Variants in NIM1K observed in about 807,000 individuals in gnomAD.
The protein encoded by NIM1K is NIM1 serine/threonine protein kinase, also known as serine/threonine-protein kinase NIM1.
In NIM1K, 35 loss-of-function variants were observed where a neutral mutation model predicts 37.1. The observed-to-expected ratio is 0.94, with a 90% CI of 0.72 to 1.25. The LOEUF (loss-of-function observed/expected upper bound fraction) is 1.25. NIM1K is among the 50% of genes most tolerant of loss of function. The pLI is 0.00. For synonymous variants in NIM1K, 234 were observed against 206.6 expected, an observed-to-expected ratio of 1.13 and a Z score of -1.14; for missense variants, 564 against 548.0, an observed-to-expected ratio of 1.03 and a Z score of -0.29.
chr5:43,194,895 T>C (rs1751889971), intron 1 of NIM1K: 1 of 152,202 alleles, frequency 6.6e-6, no homozygotes, highest in Non-Finnish European at 1.5e-5. Flanking sequence ...AGACTTATCA[T>C]ACATTTTTAA....
At chr5:43,199,207 ATATAT>A (rs1561070517) in intron 1 of NIM1K, among the ~76,000 whole-genome samples, 1,498 of 67,310 alleles carry the variant, frequency 0.022, 43 homozygotes, top group Non-Finnish European at 0.027. Flanking sequence ...AAAAAAAAAT[ATATAT>A]ATATATATAT....
intron 1 of NIM1K, among the ~76,000 whole-genome samples, chr5:43,238,612 AAG>A (rs1318290552): frequency 1.3e-5 from 2 of 151,726 alleles, no homozygotes; most frequent in African/African-American, 4.9e-5. Context: ...CATTCATTCT[AAG>A]CAGAATGCAC....
chr5:43,230,461 C>T (rs767802198), intron 1 of NIM1K, among the ~76,000 whole-genome samples: 10 of 152,138 alleles, frequency 6.6e-5, no homozygotes, highest in African/African-American at 1.9e-4. Context: ...AACTCAGATA[C>T]ATGGCCAAAC....
intron 3 of NIM1K, among the ~76,000 whole-genome samples, chr5:43,277,807 TGTGTGTGTGA>T (rs1300937874): frequency 3.3e-5 from 5 of 149,306 alleles, no homozygotes; most frequent in African/African-American, 1.3e-4. Flanking sequence ...TGTGTGTGTG[TGTGTGTGTGA>T]GAGAGAGAGA....
intron 1 of NIM1K, among the ~76,000 whole-genome samples, chr5:43,198,151 CTTTCTTTCTT>C (rs1460657420): frequency 2.1e-5 from 1 of 47,610 alleles, no homozygotes; most frequent in East Asian, 6.5e-4. Flanking sequence ...TTCTTTCTTT[CTTTCTTTCTT>C]TCTTTCTTTC....
In NIM1K at chr5:43,273,653, T is replaced by TG. The variant is rs989287389; in HGVS notation, c.293-3400dup. Among the ~76,000 whole-genome samples, 22 of 152,330 alleles carry TG rather than the reference T, an allele frequency of 1.4e-4. No individual in the cohort carries two copies. In the South Asian group the frequency reaches 2.1e-3, roughly 14 times the overall value. ...ACCTTTTCCTACTACCAGGCTGATC[T>TG]GGGGCCACCCCTCCTCATTCTGCTT... On this transcript the variant is annotated intron_variant, in intron 2 of 3. Coordinates refer to ENST00000326035, the MANE Select transcript of NIM1K (RefSeq NM_153361.4).
chr5:43,255,519 G>A (rs1364795516), intron 2 of NIM1K, among the ~76,000 whole-genome samples: 1 of 152,178 alleles, frequency 6.6e-6, no homozygotes, highest in Non-Finnish European at 1.5e-5. Flanking sequence ...GGGAGGCCAA[G>A]GTGGGTGGAT....
intron 3 of NIM1K, among the ~76,000 whole-genome samples, chr5:43,278,687 C>A (rs758933433): frequency 6.6e-6 from 1 of 152,162 alleles, no homozygotes; most frequent in Non-Finnish European, 1.5e-5. Flanking sequence ...CCACAGTGAA[C>A]CTCATTACAT....
intron 1 of NIM1K, among the ~76,000 whole-genome samples, chr5:43,198,253 TCTTTC>T (rs2112196465): frequency 6.9e-6 from 1 of 144,912 alleles, no homozygotes; most frequent in African/African-American, 2.6e-5. Flanking sequence ...TTCTTTTCTT[TCTTTC>T]CTTTCTTTCT....
At chr5:43,235,844 TC>T (rs1752613520) in intron 1 of NIM1K, among the ~76,000 whole-genome samples, 1 of 150,438 alleles carries the variant, frequency 6.6e-6, no homozygotes, top group Admixed American at 6.6e-5. Context: ...TCCCTCCCCA[TC>T]TTTTTTTTTT....
chr5:43,199,459 A>G (rs1561070645), intron 1 of NIM1K, among the ~76,000 whole-genome samples: 1 of 151,848 alleles, frequency 6.6e-6, no homozygotes, highest in Non-Finnish European at 1.5e-5. Flanking sequence ...GCCATCAGAG[A>G]CCTAGTTTAT....
chr5:43,232,699 G>A (rs1752558673), intron 1 of NIM1K: 19 of 1,461,108 alleles, frequency 1.3e-5, no homozygotes, highest in Admixed American at 2.0e-5. Context: ...GTAATCAACC[G>A]GGAGTTGTTC....
intron 2 of NIM1K, among the ~76,000 whole-genome samples, chr5:43,273,771 C>T (rs895311838): frequency 1.3e-5 from 2 of 152,190 alleles, no homozygotes; most frequent in Non-Finnish European, 2.9e-5. Context: ...GGCCTCTCTC[C>T]TCACTTCCTG....
At position 43,232,504 on chromosome 5, in the gene NIM1K, G is replaced by A. The variant is rs574392995; in HGVS notation, c.-694-12578G>A. On this transcript the variant is annotated intron_variant, in intron 1 of 3. Transcript: ENST00000326035. ...CTATCAACCTATTCAGTTTAGTATA[G>A]GTTGGGCGTTCAGTATCAAGGTTCT... 3.3e-6 allele frequency: 5 copies of A among 1,537,026 alleles called. No homozygotes were observed. The East Asian group carries it at 6.8e-5, about 21-fold the overall frequency.
At chr5:43,239,205 C>T (rs777356014) in intron 1 of NIM1K, among the ~76,000 whole-genome samples, 163 of 112,406 alleles carry the variant, frequency 1.5e-3, no homozygotes, top group Non-Finnish European at 3.0e-3. Context: ...AATGTATTGA[C>T]ATTTCTCTGC....
At chr5:43,212,125 A>G (rs1752212764) in intron 1 of NIM1K, among the ~76,000 whole-genome samples, 1 of 152,170 alleles carries the variant, frequency 6.6e-6, no homozygotes, top group Admixed American at 6.5e-5. Context: ...GCCTTAAAGC[A>G]TGTGCATCTC....
chr5:43,205,240 T>C (rs1190056199), intron 1 of NIM1K, among the ~76,000 whole-genome samples: 1 of 152,182 alleles, frequency 6.6e-6, no homozygotes, highest in African/African-American at 2.4e-5. Flanking sequence ...CTCTCTGAGT[T>C]TGGACAAATG....
intron 2 of NIM1K, among the ~76,000 whole-genome samples, chr5:43,273,784 C>G (rs1347998320): frequency 6.6e-6 from 1 of 152,182 alleles, no homozygotes; most frequent in Non-Finnish European, 1.5e-5. Flanking sequence ...ACTTCCTGGT[C>G]ACAATTTAAG....
Position 43,230,454 on chromosome 5 carries a change from TCAGATA to T in NIM1K, c.-694-14625_-694-14620del, listed in dbSNP as rs1579968587. ...TGTGCTCACAGCCCATGACTGGAAC[TCAGATA>T]CATGGCCAAACTAAACTATAGCCAA... On this transcript the variant is annotated intron_variant, in intron 1 of 3. Coordinates refer to ENST00000326035, the MANE Select transcript of NIM1K (RefSeq NM_153361.4). Among the ~76,000 whole-genome samples, 3 of 152,118 alleles carry T rather than the reference TCAGATA, an allele frequency of 2.0e-5. No homozygotes were observed. The East Asian group carries it at 5.8e-4, about 29-fold the overall frequency.
Sources: allele counts gnomAD v4.1 joint callset (sites outside exome capture counted in the v4.1 genomes callset), GRCh38; gene constraint gnomAD v4.1.1; transcripts MANE v1.5; gene names NCBI Gene and HGNC (gene_info 2026-07-23, HGNC 2026-07-21).